Variants in CDYL observed in about 807,000 individuals in gnomAD.
CDYL encodes the protein chromodomain Y like.
In CDYL, 8 loss-of-function variants were observed where a neutral mutation model predicts 47.3. That is an observed-to-expected ratio of 0.17 (90% CI 0.10 to 0.31). The LOEUF (loss-of-function observed/expected upper bound fraction) is 0.31. Ranked by LOEUF, CDYL falls within the 10% of genes least tolerant of loss-of-function variation. The pLI is 1.00. For synonymous variants in CDYL, 266 were observed against 265.0 expected (o/e 1.00, Z -0.04); for missense variants, 471 against 701.4 (o/e 0.67, Z 3.71).
chr6:4,757,694 T>C (rs1758095731), intron 3 of CDYL, among the ~76,000 whole-genome samples: 1 of 152,244 alleles, frequency 6.6e-6, no homozygotes, highest in African/African-American at 2.4e-5. Flanking sequence ...ACTCTATTTT[T>C]CGTATAACTT....
intron 1 of CDYL, among the ~76,000 whole-genome samples, chr6:4,886,194 C>T: frequency 6.6e-6 from 1 of 152,136 alleles, no homozygotes; most frequent in Non-Finnish European, 1.5e-5. Flanking sequence ...ATAAACAGTG[C>T]TGCTATGAAC....
intron 1 of CDYL, among the ~76,000 whole-genome samples, chr6:4,873,001 T>C (rs141179274): frequency 1.3e-5 from 2 of 152,382 alleles, no homozygotes; most frequent in East Asian, 1.9e-4. Flanking sequence ...ATCTGAAGAA[T>C]AATACAGTTG....
chr6:4,776,710 A>G lies in CDYL; in HGVS notation c.-74A>G. On this transcript the variant is annotated 5_prime_UTR_variant, in exon 1 of 7. Transcript: ENST00000397588. The stretch of plus-strand genomic sequence containing the variant: ...CGCAGGCCACGCAGGACCCAACTGA[A>G]ACAAAGTGTCGGCCGCCCGGCGCCG... 2 of 1,256,100 alleles carry G rather than the reference A, an allele frequency of 1.6e-6. No homozygotes were observed. Among genetic ancestry groups the G allele is most frequent in the East Asian group, 5.3e-5 (1 of 18,992 alleles). The allele number at this position is 1,256,100 out of a possible 1,614,324, so 77.8% of individuals were successfully genotyped here. A position where few individuals can be genotyped will look rare whatever the true frequency, so the allele number is the denominator to read the frequency against.
intron 1 of CDYL, among the ~76,000 whole-genome samples, chr6:4,822,445 C>T (rs747315876): frequency 3.9e-5 from 6 of 152,150 alleles, no homozygotes; most frequent in Admixed American, 6.5e-5. Flanking sequence ...TACCATTCAT[C>T]TGTTAATAGT....
intron 1 of CDYL, among the ~76,000 whole-genome samples, chr6:4,852,133 T>C (rs1235328187): frequency 6.6e-6 from 1 of 152,200 alleles, no homozygotes; most frequent in Non-Finnish European, 1.5e-5. Context: ...TTCCCGTTAA[T>C]GTTTCAACAT....
intron 1 of CDYL, among the ~76,000 whole-genome samples, chr6:4,781,381 A>C (rs965623917): frequency 6.6e-6 from 1 of 152,198 alleles, no homozygotes; most frequent in Non-Finnish European, 1.5e-5. Context: ...AAGCTAGGTC[A>C]GCGTATGTTG....
intron 2 of CDYL, among the ~76,000 whole-genome samples, chr6:4,899,411 T>C (rs930395101): frequency 6.6e-6 from 1 of 152,200 alleles, no homozygotes; most frequent in Non-Finnish European, 1.5e-5. Flanking sequence ...GTTTGAGGGC[T>C]CATATACCAT....
chr6:4,812,661 A>C (rs1759562155), intron 1 of CDYL, among the ~76,000 whole-genome samples: 1 of 152,182 alleles, frequency 6.6e-6, no homozygotes, highest in South Asian at 2.1e-4. Flanking sequence ...GAAATTCCAC[A>C]GTCTTCTATA....
upstream of CDYL, among the ~76,000 whole-genome samples, chr6:4,773,683 G>T (rs916936516): frequency 1.3e-5 from 2 of 152,204 alleles, no homozygotes; most frequent in African/African-American, 4.8e-5. This position sits in a 1 kb window ranked among gnomAD's most constrained non-coding sequence, Gnocchi z 4.6. Context: ...CAATTTCTCA[G>T]TCGCTAGGTG....
chr6:4,722,404 G>T (rs972652580), intron 2 of CDYL, among the ~76,000 whole-genome samples: 1 of 151,658 alleles, frequency 6.6e-6, no homozygotes. Context: ...AGAAAACAAA[G>T]AAAAAATTTA....
chr6:4,899,623 C>T (rs150112338), intron 2 of CDYL, among the ~76,000 whole-genome samples: 94 of 152,244 alleles, frequency 6.2e-4, no homozygotes, highest in African/African-American at 1.9e-3. Context: ...TTTCCTGGTA[C>T]GGGAAAGTGG....
At chr6:4,780,713 C>G (rs1244702351) in intron 1 of CDYL, among the ~76,000 whole-genome samples, 1 of 152,134 alleles carries the variant, frequency 6.6e-6, no homozygotes, top group South Asian at 2.1e-4. Flanking sequence ...TTCTACAAAA[C>G]GTTTTCCATT....
rs1759718007 is a variant in CDYL at position 4,817,881 on chromosome 6, ACTT to A, written c.24+41078_24+41080del. On this transcript the variant is annotated intron_variant, in intron 1 of 6. Coordinates refer to ENST00000397588, the MANE Select transcript of CDYL (RefSeq NM_004824.4). ...ATATTAAAAACGTTTAGGCATTGGC[ACTT>A]CTTGTTTTGTGGCTACAACTAAAGT... is the stretch of plus-strand genomic sequence containing the variant. Among the ~76,000 whole-genome samples the A allele has an allele frequency of 5.3e-5, 8 of 152,326 alleles. No individual in the cohort carries two copies. The South Asian group carries it at 1.0e-3, about 20-fold the overall frequency.
At chr6:4,899,666 T>G (rs1756959087) in intron 2 of CDYL, among the ~76,000 whole-genome samples, 1 of 152,224 alleles carries the variant, frequency 6.6e-6, no homozygotes, top group African/African-American at 2.4e-5. Context: ...TTAAGCCCTT[T>G]CAGGCAGCAA....
intron 4 of CDYL, among the ~76,000 whole-genome samples, chr6:4,942,396 A>G (rs1331381643): frequency 1.3e-5 from 2 of 152,226 alleles, no homozygotes; most frequent in South Asian, 2.1e-4. Context: ...ATGCTGAGTC[A>G]TGATTTTCAG....
At chr6:4,792,597 G>T (rs1338267794) in intron 1 of CDYL, among the ~76,000 whole-genome samples, 1 of 151,648 alleles carries the variant, frequency 6.6e-6, no homozygotes, top group Non-Finnish European at 1.5e-5. Context: ...TACCATGGCC[G>T]ACTAATTTTT....
chr6:4,836,304 A>G (rs1760304380), intron 1 of CDYL: 3 of 976,106 alleles, frequency 3.1e-6, no homozygotes, highest in Non-Finnish European at 3.7e-6. Context: ...GCATAGAACC[A>G]AAAAGTGAGT....
intron 1 of CDYL, among the ~76,000 whole-genome samples, chr6:4,854,521 T>C (rs1760948198): frequency 6.6e-6 from 1 of 152,196 alleles, no homozygotes; most frequent in Non-Finnish European, 1.5e-5. Flanking sequence ...TGTGTTTCTT[T>C]CAGTGGTGTC....
intron 2 of CDYL, among the ~76,000 whole-genome samples, chr6:4,933,471 T>A (rs1035121627): frequency 7.2e-5 from 11 of 152,074 alleles, no homozygotes; most frequent in Non-Finnish European, 1.5e-4. Context: ...ATGTGGACTC[T>A]GGGTCCCAGT....
Sources: allele counts gnomAD v4.1 joint callset (sites outside exome capture counted in the v4.1 genomes callset), GRCh38; gene constraint gnomAD v4.1.1; non-coding constraint Gnocchi (gnomAD v3.1); transcripts MANE v1.5; gene names NCBI Gene and HGNC (gene_info 2026-07-23, HGNC 2026-07-21).